Variants in ACTR3C observed in about 807,000 individuals in gnomAD.
ACTR3C encodes actin related protein 3C.
A neutral mutation model predicts 26.3 loss-of-function variants in ACTR3C; 18 were observed. The ratio of observed to expected loss-of-function variants is 0.68; its 90% CI spans 0.47 to 1.01. The LOEUF (loss-of-function observed/expected upper bound fraction) is 1.01, where lower values mean the gene tolerates loss of function less well. Among genes scored for constraint, ACTR3C ranks in the 50% least tolerant of loss-of-function variants. The pLI is 0.00. For missense variants in ACTR3C, 184 were observed against 250.7 expected (o/e 0.73, Z 1.80); for synonymous variants, 55 against 94.5 (o/e 0.58, Z 2.42).
At chr7:150,136,248 T>C in the ACTR3C span, among the ~76,000 whole-genome samples, 1 of 152,184 alleles carries the variant, frequency 6.6e-6, no homozygotes, top group South Asian at 2.1e-4. Flanking sequence ...CTAGGAGACA[T>C]GAAGCGGTAG....
chr7:150,279,739 C>T (rs935350907), intron 6 of ACTR3C, among the ~76,000 whole-genome samples: 7 of 152,240 alleles, frequency 4.6e-5, no homozygotes, highest in African/African-American at 1.7e-4. Context: ...CAGATGGCAG[C>T]TTCTCAAAGC....
chr7:150,301,548 C>G (rs1795440036), intron 1 of ACTR3C, among the ~76,000 whole-genome samples: 1 of 152,018 alleles, frequency 6.6e-6, no homozygotes, highest in Non-Finnish European at 1.5e-5. Context: ...AATGAAATAA[C>G]CAAAAGAGAA....
chr7:150,082,647 A>T, the ACTR3C span, among the ~76,000 whole-genome samples: 1 of 152,196 alleles, frequency 6.6e-6, no homozygotes, highest in Non-Finnish European at 1.5e-5. Flanking sequence ...GGCCATACAG[A>T]TCAGGTGTTC....
chr7:150,165,260 G>T, the ACTR3C span, among the ~76,000 whole-genome samples: 2 of 152,142 alleles, frequency 1.3e-5, no homozygotes, highest in East Asian at 3.9e-4. Flanking sequence ...CCCTCTGTTT[G>T]AGACATGAGG....
At chr7:150,199,294 C>T in the ACTR3C span, among the ~76,000 whole-genome samples, 8 of 127,248 alleles carry the variant, frequency 6.3e-5, no homozygotes, top group East Asian at 1.6e-3. Context: ...TCCTGTTGAT[C>T]TGTGACCTTA....
chr7:149,959,820 G>A, the ACTR3C span, among the ~76,000 whole-genome samples: 2 of 152,198 alleles, frequency 1.3e-5, no homozygotes, highest in Non-Finnish European at 2.9e-5. Context: ...TCATAAGAAT[G>A]TCCCCCTAAA....
the ACTR3C span, among the ~76,000 whole-genome samples, chr7:150,080,779 T>C: frequency 1.3e-5 from 2 of 152,148 alleles, no homozygotes; most frequent in African/African-American, 2.4e-5. Flanking sequence ...AGAAAAAGAC[T>C]TTATATGACC....
At chr7:149,887,662 C>T in the ACTR3C span, among the ~76,000 whole-genome samples, 13 of 152,174 alleles carry the variant, frequency 8.5e-5, no homozygotes, top group African/African-American at 2.7e-4. Flanking sequence ...CAAAATGACC[C>T]GAGCCAAGTC....
the ACTR3C span, among the ~76,000 whole-genome samples, chr7:150,122,480 T>G: frequency 6.6e-6 from 1 of 152,078 alleles, no homozygotes; most frequent in Non-Finnish European, 1.5e-5. Context: ...AACAAACATA[T>G]GAAAAAAATC....
chr7:150,127,968 T>C, the ACTR3C span, among the ~76,000 whole-genome samples: 2 of 148,870 alleles, frequency 1.3e-5, no homozygotes, highest in South Asian at 2.1e-4. Flanking sequence ...TCTTGGAAGA[T>C]AACAGAAGTA....
downstream of ACTR3C, chr7:150,245,966 G>A (rs1220495590): frequency 2.0e-5 from 3 of 152,190 alleles, no homozygotes; most frequent in African/African-American, 4.8e-5. Context: ...AGCCTGTCTT[G>A]GTAAACCAGG....
chr7:150,263,889 C>T (rs1245310946), intron 6 of ACTR3C, among the ~76,000 whole-genome samples: 8 of 152,212 alleles, frequency 5.3e-5, no homozygotes, highest in Non-Finnish European at 8.8e-5. Flanking sequence ...AAACAAAAAT[C>T]ATTTCATGGC....
At chr7:149,908,199 A>C in the ACTR3C span, among the ~76,000 whole-genome samples, 2 of 152,162 alleles carry the variant, frequency 1.3e-5, no homozygotes, top group African/African-American at 4.8e-5. Flanking sequence ...CCTCACGGGA[A>C]ACCAACCCTG....
At chr7:150,253,289 C>T (rs1009994411) in intron 6 of ACTR3C, among the ~76,000 whole-genome samples, 1 of 152,168 alleles carries the variant, frequency 6.6e-6, no homozygotes, top group East Asian at 1.9e-4. Flanking sequence ...CCTCTTTATC[C>T]TCTAGAATTT....
chr7:149,907,730 C>T, the ACTR3C span, among the ~76,000 whole-genome samples: 1 of 151,112 alleles, frequency 6.6e-6, no homozygotes, highest in Non-Finnish European at 1.5e-5. Context: ...TGAATGCTAC[C>T]AACAGCTTTA....
the ACTR3C span, among the ~76,000 whole-genome samples, chr7:150,034,182 C>A: frequency 6.6e-6 from 1 of 151,772 alleles, no homozygotes; most frequent in East Asian, 1.9e-4. Flanking sequence ...GCCCAAGAAT[C>A]AGCTTATTTG....
At chr7:149,939,409 G>T in the ACTR3C span, among the ~76,000 whole-genome samples, 1 of 152,100 alleles carries the variant, frequency 6.6e-6, no homozygotes, top group Non-Finnish European at 1.5e-5. Context: ...GAGAGGCAGG[G>T]GACTACTGTT....
At chr7:150,299,245 G>A (rs957686301) in intron 1 of ACTR3C, among the ~76,000 whole-genome samples, 29 of 150,902 alleles carry the variant, frequency 1.9e-4, no homozygotes, top group Non-Finnish European at 4.0e-4. Flanking sequence ...GCCTCCCAAA[G>A]GCTGGGATTA....
At chr7:149,915,290 G>A in the ACTR3C span, among the ~76,000 whole-genome samples, 5,009 of 152,026 alleles carry the variant, frequency 0.033, 270 homozygotes, top group African/African-American at 0.11. Context: ...TGAATAGACA[G>A]AAATCAACAA....
Sources: gnomAD v4.1 joint callset for allele counts (sites outside exome capture counted in the v4.1 genomes callset) on GRCh38, gnomAD v4.1.1 for gene constraint, MANE v1.5 for transcripts, NCBI Gene and HGNC (gene_info 2026-07-23, HGNC 2026-07-21) for gene names.